The following PRKN variants were observed in gnomAD, a reference collection of about 807,000 sequenced individuals.
PRKN encodes the protein parkin RBR E3 ubiquitin protein ligase.
In PRKN, 56 loss-of-function variants were observed where a neutral mutation model predicts 59.5. The ratio of observed to expected loss-of-function variants is 0.94; its 90% CI spans 0.76 to 1.18. The LOEUF (loss-of-function observed/expected upper bound fraction) is 1.18, where lower values mean the gene tolerates loss of function less well. Among genes scored for constraint, PRKN ranks in the 50% most tolerant of loss-of-function variants. PRKN has a pLI of 0.00. For synonymous variants in PRKN, 250 were observed against 222.1 expected (o/e 1.13, Z -1.12); for missense variants, 657 against 596.4 (o/e 1.10, Z -1.06).
intron 1 of PRKN, among the ~76,000 whole-genome samples, chr6:162,537,611 G>A (rs117605468): frequency 1.0e-3 from 158 of 152,252 alleles, no homozygotes; most frequent in Non-Finnish European, 1.9e-3. Context: ...CTGTACTTCT[G>A]TCTCCATGTT....
intron 7 of PRKN, among the ~76,000 whole-genome samples, chr6:161,767,506 A>G (rs1474556906): frequency 2.5e-5 from 3 of 117,704 alleles, no homozygotes; most frequent in Non-Finnish European, 3.5e-5. Flanking sequence ...GACAGAGCAA[A>G]ACTCCTTCTC....
chr6:162,088,976 T>G (rs1370998483), intron 4 of PRKN, among the ~76,000 whole-genome samples: 1 of 152,038 alleles, frequency 6.6e-6, no homozygotes, highest in Non-Finnish European at 1.5e-5. Flanking sequence ...AATTTAGGAG[T>G]AAACCTTTGT....
In PRKN at chr6:161,776,947, T is replaced by A. The variant is rs115114935; in HGVS notation, c.871+8825A>T. ...TAGTGCTAATAAATTAGAAATGTTC[T>A]TTTCTTGACCTTCTTCCCATAGAAC... On this transcript the variant is annotated intron_variant, in intron 7 of 11. Transcript: ENST00000366898. 5.5e-3 allele frequency among the ~76,000 whole-genome samples: 845 copies of A among 152,336 alleles called. 5 individuals carry two copies. The highest frequency in any genetic ancestry group is 0.019 in the African/African-American group (793 of 41,578).
intron 1 of PRKN, among the ~76,000 whole-genome samples, chr6:162,651,831 C>G (rs1420225278): frequency 7.1e-6 from 1 of 141,492 alleles, no homozygotes; most frequent in Non-Finnish European, 1.5e-5. Context: ...TTCTAAATTG[C>G]TATCTTTTTT....
chr6:162,582,297 A>T lies in PRKN; in HGVS notation c.8-138824T>A, dbSNP rs575415142. On this transcript the variant is annotated intron_variant, in intron 1 of 11. Transcript: ENST00000366898. ...AAATGTATAAAAACAAGCATTAAGT[A>T]TTTTTAAAATGGAAAACAAAATACA... Among the ~76,000 whole-genome samples, 15 of 152,330 alleles carry T rather than the reference A, an allele frequency of 9.8e-5. No individual in the cohort carries two copies. The East Asian group carries it at 2.9e-3, about 29-fold the overall frequency.
At chr6:162,468,498 T>C (rs1271241169) in intron 1 of PRKN, among the ~76,000 whole-genome samples, 1 of 150,188 alleles carries the variant, frequency 6.7e-6, no homozygotes, top group Non-Finnish European at 1.5e-5. Context: ...AACTGTTCGG[T>C]AATCCCATAA....
intron 7 of PRKN, among the ~76,000 whole-genome samples, chr6:161,766,314 A>ATTTTTTTT (rs758294050): frequency 0.48 from 66,411 of 138,828 alleles, 16,486 homozygotes; most frequent in East Asian, 0.56. Context: ...CATTGACCAC[A>ATTTTTTTT]TTTTTTTTTT....
chr6:162,563,040 C>T (rs903462870), intron 1 of PRKN, among the ~76,000 whole-genome samples: 8 of 152,178 alleles, frequency 5.3e-5, no homozygotes, highest in Admixed American at 3.3e-4. Context: ...CAGTGGCTCA[C>T]GCCTGTAATC....
At chr6:162,121,723 G>A (rs1421697389) in intron 4 of PRKN, among the ~76,000 whole-genome samples, 10 of 152,164 alleles carry the variant, frequency 6.6e-5, no homozygotes, top group Admixed American at 2.6e-4. Flanking sequence ...ACCATGTGGG[G>A]TGGCCATGAT....
chr6:161,658,242 C>T (rs1784426735), intron 7 of PRKN, among the ~76,000 whole-genome samples: 1 of 151,808 alleles, frequency 6.6e-6, no homozygotes, highest in Non-Finnish European at 1.5e-5. Context: ...TCTGAGATTA[C>T]TTTAATCAAA....
intron 7 of PRKN, among the ~76,000 whole-genome samples, chr6:161,775,610 C>G (rs1789891368): frequency 6.6e-6 from 1 of 152,110 alleles, no homozygotes; most frequent in Admixed American, 6.6e-5. Flanking sequence ...TGCATATATT[C>G]TTTTGTAACG....
At chr6:162,604,477 C>T (rs1360269866) in intron 1 of PRKN, among the ~76,000 whole-genome samples, 5 of 152,138 alleles carry the variant, frequency 3.3e-5, no homozygotes, top group Non-Finnish European at 4.4e-5. Context: ...TAAAGCCAGC[C>T]AAATTATCAT....
chr6:162,251,211 C>A (rs1779419579), intron 3 of PRKN, among the ~76,000 whole-genome samples: 1 of 152,090 alleles, frequency 6.6e-6, no homozygotes, highest in East Asian at 1.9e-4. Context: ...CAAACGTACT[C>A]CTAGTTAATA....
intron 9 of PRKN, among the ~76,000 whole-genome samples, chr6:161,522,302 A>G (rs909017217): frequency 6.6e-6 from 1 of 152,202 alleles, no homozygotes; most frequent in African/African-American, 2.4e-5. Flanking sequence ...AGAGGGCTGA[A>G]GATGGATATG....
At chr6:162,118,657 C>T (rs1301107662) in intron 4 of PRKN, among the ~76,000 whole-genome samples, 1 of 152,192 alleles carries the variant, frequency 6.6e-6, no homozygotes, top group African/African-American at 2.4e-5. Flanking sequence ...AACATGTGCT[C>T]TTTTACAGCC....
intron 9 of PRKN, among the ~76,000 whole-genome samples, chr6:161,491,747 G>A (rs1777566545): frequency 6.6e-6 from 1 of 151,758 alleles, no homozygotes; most frequent in African/African-American, 2.4e-5. Flanking sequence ...TCTCCTGCCT[G>A]AGCCTCCTGA....
intron 1 of PRKN, among the ~76,000 whole-genome samples, chr6:162,564,923 A>G (rs1779997400): frequency 6.6e-6 from 1 of 152,062 alleles, no homozygotes; most frequent in Non-Finnish European, 1.5e-5. Context: ...AAGGTACAAA[A>G]CTCACTGGTA....
At chr6:162,140,801 A>AT (rs1301158009) in intron 4 of PRKN, among the ~76,000 whole-genome samples, 5 of 152,296 alleles carry the variant, frequency 3.3e-5, no homozygotes, top group East Asian at 1.9e-4. Context: ...CATTATATTA[A>AT]TTTTTAAAAG....
intron 6 of PRKN, among the ~76,000 whole-genome samples, chr6:161,839,538 G>C (rs140939157): frequency 0.011 from 1,738 of 152,128 alleles, 38 homozygotes; most frequent in African/African-American, 0.04. Context: ...GGAGGTAGCC[G>C]GGGGTCCCAC....
Sources: gnomAD v4.1 joint callset for allele counts (sites outside exome capture counted in the v4.1 genomes callset) on GRCh38, gnomAD v4.1.1 for gene constraint, MANE v1.5 for transcripts, NCBI Gene and HGNC (gene_info 2026-07-23, HGNC 2026-07-21) for gene names.